The following RPH3A variants were observed in gnomAD, a reference collection of about 807,000 sequenced individuals.
The protein encoded by RPH3A is rabphilin 3A.
Under a neutral mutation model 102.2 loss-of-function variants are expected in RPH3A, and 48 were observed. That is an observed-to-expected ratio of 0.47 (90% confidence interval 0.37 to 0.60). The LOEUF (loss-of-function observed/expected upper bound fraction) is 0.60, where lower values mean the gene tolerates loss of function less well. Ranked by LOEUF, RPH3A falls within the 20% of genes least tolerant of loss-of-function variation. The probability of loss-of-function intolerance (pLI) is 0.00; values close to 1 mark genes in which losing one functional copy is unlikely to be tolerated. For missense variants in RPH3A, 781 were observed against 910.1 expected, an observed-to-expected ratio of 0.86 and a Z score of 1.83; for synonymous variants, 310 against 324.3, an observed-to-expected ratio of 0.96 and a Z score of 0.47.
At chr12:112,778,225 G>C (rs1412121767) in intron 1 of RPH3A, among the ~76,000 whole-genome samples, 1 of 152,200 alleles carries the variant, frequency 6.6e-6, no homozygotes, top group East Asian at 1.9e-4. Context: ...ATTGGGTTCT[G>C]TCAAATGAGA....
At chr12:112,852,879 C>G (rs1353167639) in intron 5 of RPH3A, among the ~76,000 whole-genome samples, 1 of 152,222 alleles carries the variant, frequency 6.6e-6, no homozygotes, top group Admixed American at 6.5e-5. Flanking sequence ...CTGTCCAGAG[C>G]CTCTCAAAGG....
At chr12:112,637,486 G>A (rs1214736443) in intron 1 of RPH3A, among the ~76,000 whole-genome samples, 1 of 152,166 alleles carries the variant, frequency 6.6e-6, no homozygotes. Context: ...TGTTGTATTA[G>A]AAGGGAGAAA....
chr12:112,884,496 C>A (rs2042974320), intron 16 of RPH3A, among the ~76,000 whole-genome samples: 1 of 152,050 alleles, frequency 6.6e-6, no homozygotes, highest in Non-Finnish European at 1.5e-5. Flanking sequence ...AAATGTTTAC[C>A]AGTTTATTTA....
At chr12:112,650,704 G>A (rs1305593182) in intron 1 of RPH3A, 3 of 151,566 alleles carry the variant, frequency 2.0e-5, no homozygotes. Flanking sequence ...AATATTTATT[G>A]AATGAAGTAA....
chr12:112,847,926 G>A lies in RPH3A; in HGVS notation c.230+84G>A, dbSNP rs11832094. 5,453 of 1,472,208 alleles carry A rather than the reference G, an allele frequency of 3.7e-3. 157 individuals carry two copies. In the African/African-American group the frequency reaches 0.063, roughly 17 times the overall value. The allele number at this position is 1,472,208 out of a possible 1,614,324, so 91.2% of individuals were successfully genotyped here. On this transcript the variant is annotated intron_variant, in intron 5 of 21. Transcript: ENST00000389385. ...CTGGAGCAGGGCTTTGGCCTCAAAC[G>A]GGGTGTGCTGGGCTGCCTCTGGGCT...
At chr12:112,799,167 G>A (rs922911756) in intron 2 of RPH3A, among the ~76,000 whole-genome samples, 2 of 152,128 alleles carry the variant, frequency 1.3e-5, no homozygotes, top group South Asian at 2.1e-4. Context: ...CAGGAAGATC[G>A]CTTGGAGCCA....
chr12:112,613,290 T>C (rs1329274933), intron 1 of RPH3A, among the ~76,000 whole-genome samples: 1 of 151,882 alleles, frequency 6.6e-6, no homozygotes, highest in Non-Finnish European at 1.5e-5. Context: ...CCCTGTGTAA[T>C]GGTTGGAGAG....
intron 1 of RPH3A, among the ~76,000 whole-genome samples, chr12:112,694,644 GCACACGCA>G (rs1435291395): frequency 0.024 from 3,025 of 126,840 alleles, 92 homozygotes; most frequent in African/African-American, 0.079. Context: ...GCGCGCGCGC[GCACACGCA>G]CACACACACA....
chr12:112,836,326 T>C (rs1270902336), intron 3 of RPH3A, among the ~76,000 whole-genome samples, 165 bp from the exon 4 acceptor site: 2 of 152,238 alleles, frequency 1.3e-5, no homozygotes. Flanking sequence ...AGCAGCCTTG[T>C]GTTAGATATG....
intron 1 of RPH3A, among the ~76,000 whole-genome samples, chr12:112,649,683 C>A (rs1041236186): frequency 6.6e-6 from 1 of 152,130 alleles, no homozygotes. Context: ...TTTTATTCAC[C>A]ATTTGTATTA....
At chr12:112,804,523 G>T (rs1042490775) in intron 2 of RPH3A, among the ~76,000 whole-genome samples, 4 of 152,218 alleles carry the variant, frequency 2.6e-5, no homozygotes, top group African/African-American at 9.6e-5. Flanking sequence ...TTGGTTGGTT[G>T]AAGCCTGGGA....
intron 2 of RPH3A, 142 bp from the exon 3 acceptor site, chr12:112,828,159 C>T (rs2041911085): frequency 1.6e-6 from 1 of 644,740 alleles, no homozygotes; most frequent in African/African-American, 1.9e-5. Context: ...GGGTCTCAGA[C>T]TCCCCATCTG....
intron 1 of RPH3A, among the ~76,000 whole-genome samples, chr12:112,758,751 A>G (rs2040836306): frequency 6.6e-6 from 1 of 152,148 alleles, no homozygotes; most frequent in African/African-American, 2.4e-5. Context: ...AAAATGCTAT[A>G]ATGCACTTGA....
At chr12:112,645,540 A>G (rs1003295196) in intron 1 of RPH3A, among the ~76,000 whole-genome samples, 1 of 152,234 alleles carries the variant, frequency 6.6e-6, no homozygotes, top group Non-Finnish European at 1.5e-5. Flanking sequence ...TTCTGCAAGC[A>G]GTGCTTGAAC....
At chr12:112,877,008 T>C in intron 13 of RPH3A, 142 bp downstream of exon 13, 1 of 515,652 alleles carries the variant, frequency 1.9e-6, no homozygotes, top group Non-Finnish European at 3.3e-6. Flanking sequence ...AACCAAGTGA[T>C]AGAAGTACAG....
chr12:112,715,091 A>G (rs2040504546), intron 1 of RPH3A, among the ~76,000 whole-genome samples: 1 of 152,170 alleles, frequency 6.6e-6, no homozygotes, highest in Admixed American at 6.5e-5. Context: ...TTATATTAAC[A>G]TCATTTTTCC....
intron 1 of RPH3A, among the ~76,000 whole-genome samples, chr12:112,588,098 C>A (rs1213018029): frequency 6.6e-6 from 1 of 152,120 alleles, no homozygotes; most frequent in Non-Finnish European, 1.5e-5. Context: ...GAGATTAGCA[C>A]CTCTATGATG....
chr12:112,585,275 G>A (rs2039430382), intron 1 of RPH3A, among the ~76,000 whole-genome samples: 1 of 152,102 alleles, frequency 6.6e-6, no homozygotes, highest in African/African-American at 2.4e-5. Flanking sequence ...ATATCCATTG[G>A]CAACACCCTC....
chr12:112,851,597 G>C (rs138566225), intron 5 of RPH3A, among the ~76,000 whole-genome samples: 1 of 152,146 alleles, frequency 6.6e-6, no homozygotes, highest in East Asian at 1.9e-4. Flanking sequence ...AGTTTTGCAA[G>C]GGTTAGCTGT....
Sources: gnomAD v4.1 joint callset for allele counts (sites outside exome capture counted in the v4.1 genomes callset) on GRCh38, gnomAD v4.1.1 for gene constraint, MANE v1.5 for transcripts, NCBI Gene and HGNC (gene_info 2026-07-23, HGNC 2026-07-21) for gene names.